MID1: variants seen among roughly 807,000 people sequenced by gnomAD.
MID1 encodes the protein midline 1.
A neutral mutation model predicts 40.4 loss-of-function variants in MID1; 7 were observed. The ratio of observed to expected loss-of-function variants is 0.17; its 90% CI spans 0.10 to 0.33. MID1 has a LOEUF of 0.33. MID1 is among the 10% of genes least tolerant of loss of function. The probability of loss-of-function intolerance (pLI) is 1.00; values close to 1 mark genes in which losing one functional copy is unlikely to be tolerated. For missense variants in MID1, 367 were observed against 558.5 expected (o/e 0.66, Z 3.46); for synonymous variants, 229 against 221.2 (o/e 1.04, Z -0.31).
rs971350651 is a variant in MID1 at position 10,652,958 on chromosome X, T to A, written c.-186-32539A>T. ...GGCCTTGGTTCCTGTATATCCTGCT[T>A]TATTTGTATTTGCAGCACCCCTCAC... On this transcript the variant is annotated intron_variant, in intron 1 of 10. Coordinates refer to the MID1 transcript ENST00000380785. Among the ~76,000 whole-genome samples, 4 of 111,970 alleles carry A rather than the reference T, an allele frequency of 3.6e-5. No homozygotes were observed. The East Asian group carries it at 1.1e-3, about 31-fold the overall frequency.
At chrX:10,703,681 A>G (rs962657532) in intron 1 of MID1, among the ~76,000 whole-genome samples, 3 of 111,763 alleles carry the variant, frequency 2.7e-5, no homozygotes, top group Non-Finnish European at 5.6e-5. Context: ...AAAGTTTATT[A>G]TATCTAAAGA....
intron 1 of MID1, among the ~76,000 whole-genome samples, chrX:10,769,203 T>G (rs1014686601): frequency 1.1e-4 from 12 of 111,346 alleles, no homozygotes; most frequent in African/African-American, 3.6e-4. Flanking sequence ...CCAGAATTGA[T>G]AGTCAGATAG....
chrX:10,765,937 G>GAAA (rs1409876111), intron 1 of MID1, among the ~76,000 whole-genome samples: 7 of 72,185 alleles, frequency 9.7e-5, no homozygotes, highest in African/African-American at 4.5e-4. Context: ...GGAAAGGAAA[G>GAAA]GAAAGGAAAG....
chrX:10,637,793 G>A (rs1218904002), intron 1 of MID1, among the ~76,000 whole-genome samples: 1 of 111,175 alleles, frequency 9.0e-6, no homozygotes, highest in Non-Finnish European at 1.9e-5. Context: ...GCAGCTATTT[G>A]GAAGTACAAG....
At chrX:10,767,582 G>T (rs1380860774) in intron 1 of MID1, among the ~76,000 whole-genome samples, 1 of 111,931 alleles carries the variant, frequency 8.9e-6, no homozygotes, top group Non-Finnish European at 1.9e-5. Flanking sequence ...GCCTCCCAAA[G>T]TGCTGGGATT....
At chrX:10,627,759 CT>C (rs1460740343) in intron 1 of MID1, among the ~76,000 whole-genome samples, 4 of 111,917 alleles carry the variant, frequency 3.6e-5, no homozygotes, top group Non-Finnish European at 5.6e-5. Flanking sequence ...AATCAGATCT[CT>C]TTTTTTGTAT....
chrX:10,736,954 A>C lies in MID1; in HGVS notation c.-187+96600T>G, dbSNP rs1253367518. 3.6e-5 allele frequency among the ~76,000 whole-genome samples: 4 copies of C among 112,123 alleles called. No individual in the cohort carries two copies. The East Asian group carries it at 1.1e-3, about 31-fold the overall frequency. On this transcript the variant is annotated intron_variant, in intron 1 of 10. Coordinates refer to the MID1 transcript ENST00000380785. ...GAGGATTTGTATGTGTATGTGCACAATATAGATTCACACATGTATAGTTTA... is the reference window on the plus strand; with the variant it reads ...GAGGATTTGTATGTGTATGTGCACACTATAGATTCACACATGTATAGTTTA...
intron 1 of MID1, among the ~76,000 whole-genome samples, chrX:10,672,489 C>T (rs747326569): frequency 1.3e-4 from 14 of 110,311 alleles, no homozygotes; most frequent in Non-Finnish European, 2.1e-4. Flanking sequence ...AAGAGGGAGG[C>T]AGAAGAGTCA....
intron 1 of MID1, among the ~76,000 whole-genome samples, chrX:10,663,789 G>T (rs1399467570): frequency 8.9e-6 from 1 of 111,997 alleles, no homozygotes; most frequent in East Asian, 2.8e-4. Flanking sequence ...CTTAAAGAAG[G>T]CCATGGGAAT....
At chrX:10,802,176 A>G (rs1456171715) in intron 1 of MID1, among the ~76,000 whole-genome samples, 1 of 111,592 alleles carries the variant, frequency 9.0e-6, no homozygotes, top group African/African-American at 3.3e-5. Context: ...GCAAGACTCC[A>G]TCTCAAAAAA....
intron 1 of MID1, among the ~76,000 whole-genome samples, chrX:10,759,757 A>G (rs866084688): frequency 9.0e-6 from 1 of 110,715 alleles, no homozygotes; most frequent in Non-Finnish European, 1.9e-5. Flanking sequence ...CCCATTCTCA[A>G]CTCCTCTTTT....
Position 10,454,980 on chromosome X carries a change from C to T in MID1, c.1545G>A (p.Lys515=). The T allele has an allele frequency of 8.3e-7, 1 of 1,210,126 alleles. No homozygotes were observed. Among genetic ancestry groups the T allele is most frequent in the Non-Finnish European group, 1.1e-6 (1 of 893,923 alleles). ...TGGTGAAGCGTTCAGGTGTGTGACT[C>T]TTCTTGGATGATGACTCATCACGTT... ...TVERDESSSK[K]SHTPERFTSQ... Residue 515 remains lysine (K), a synonymous_variant, in exon 9 of 10, where the codon AAG becomes AAA. Transcript: ENST00000317552.
At chrX:10,754,535 G>A (rs1019764427) in intron 1 of MID1, among the ~76,000 whole-genome samples, 3 of 110,795 alleles carry the variant, frequency 2.7e-5, no homozygotes, top group East Asian at 2.8e-4. Context: ...ATTTTATCTC[G>A]TAAGACCCCC....
chrX:10,665,261 C>T (rs2042942249), intron 1 of MID1, among the ~76,000 whole-genome samples: 1 of 111,912 alleles, frequency 8.9e-6, no homozygotes, highest in African/African-American at 3.3e-5. Context: ...ATGAATAAAC[C>T]TTTTATAATC....
intron 1 of MID1, among the ~76,000 whole-genome samples, chrX:10,732,702 T>C: frequency 8.9e-6 from 1 of 111,851 alleles, no homozygotes; most frequent in Non-Finnish European, 1.9e-5. Context: ...ATAACAAAGT[T>C]AAAGAACCCA....
At chrX:10,597,046 A>G (rs1313978042) in intron 1 of MID1, among the ~76,000 whole-genome samples, 2 of 110,742 alleles carry the variant, frequency 1.8e-5, no homozygotes, top group African/African-American at 3.3e-5. Context: ...GGCAAAAAAA[A>G]AGAGAGAGAG....
chrX:10,539,710 T>G (rs1222284066), intron 2 of MID1, among the ~76,000 whole-genome samples: 2 of 90,921 alleles, frequency 2.2e-5, no homozygotes, highest in African/African-American at 8.1e-5. Flanking sequence ...GTTTCCTCAA[T>G]AGCCAAAAAA....
chrX:10,553,518 G>A (rs1934007262), intron 2 of MID1, among the ~76,000 whole-genome samples: 1 of 111,294 alleles, frequency 9.0e-6, no homozygotes, highest in Admixed American at 9.5e-5. Flanking sequence ...ATATTAACTC[G>A]TTTTGGTCTC....
intron 2 of MID1, among the ~76,000 whole-genome samples, chrX:10,535,223 G>C (rs1438978893): frequency 8.9e-6 from 1 of 111,842 alleles, no homozygotes; most frequent in Non-Finnish European, 1.9e-5. Context: ...CAGGGAGCAG[G>C]ATTTGTGAAA....
Sources: gnomAD v4.1 joint callset for allele counts (sites outside exome capture counted in the v4.1 genomes callset) on GRCh38, gnomAD v4.1.1 for gene constraint, MANE v1.5 for transcripts, NCBI Gene and HGNC (gene_info 2026-07-23, HGNC 2026-07-21) for gene names.